ANKS1A: variants seen among roughly 807,000 people sequenced by gnomAD.
ANKS1A encodes ankyrin repeat and sterile alpha motif domain containing 1A.
Under a neutral mutation model 120.3 loss-of-function variants are expected in ANKS1A, and 55 were observed. That is an observed-to-expected ratio of 0.46 (90% CI 0.37 to 0.57). The LOEUF (loss-of-function observed/expected upper bound fraction) is 0.57. ANKS1A is among the 20% of genes least tolerant of loss of function. The pLI is 0.00. For missense variants in ANKS1A, 1,123 were observed against 1,480.3 expected (o/e 0.76, Z 3.96); for synonymous variants, 590 against 604.7 (o/e 0.98, Z 0.36).
chr6:34,928,395 T>C (rs1768820412), intron 1 of ANKS1A, among the ~76,000 whole-genome samples: 1 of 152,200 alleles, frequency 6.6e-6, no homozygotes, highest in Non-Finnish European at 1.5e-5. Flanking sequence ...GCTGTAATTT[T>C]AGGATAAGAA....
chr6:34,927,754 G>A (rs1334424300), intron 1 of ANKS1A, among the ~76,000 whole-genome samples: 2 of 152,212 alleles, frequency 1.3e-5, no homozygotes, highest in South Asian at 2.1e-4. Flanking sequence ...ACAAGTGCAA[G>A]GTGACCTGAG....
chr6:35,032,056 A>T (rs1272654945), intron 11 of ANKS1A, among the ~76,000 whole-genome samples: 1 of 152,274 alleles, frequency 6.6e-6, no homozygotes, highest in Non-Finnish European at 1.5e-5. Context: ...ATGAAATTGT[A>T]AACAAACATG....
chr6:34,983,101 G>A lies in ANKS1A; in HGVS notation c.809-12G>A, dbSNP rs757334539. 36 of 1,612,514 alleles carry A rather than the reference G, an allele frequency of 2.2e-5. No homozygotes were observed. The highest frequency in any genetic ancestry group is 1.6e-4 in the Middle Eastern group (1 of 6,082). Reference sequence around the variant, plus strand: ...TGCTCACTCCCCTGGTCCACCTGGTGTGCCTTTCTAGGAACTGACGTCAAC... The same window carrying A: ...TGCTCACTCCCCTGGTCCACCTGGTATGCCTTTCTAGGAACTGACGTCAAC... On this transcript the variant is annotated splice_polypyrimidine_tract_variant and intron_variant, in intron 5 of 23. Transcript: ENST00000360359.
intron 13 of ANKS1A, among the ~76,000 whole-genome samples, chr6:35,074,456 G>GTAC (rs1777241447): frequency 1.3e-5 from 2 of 151,952 alleles, no homozygotes; most frequent in East Asian, 3.9e-4. Flanking sequence ...AAATAGCCAG[G>GTAC]CATGGTGGTA....
rs753164037 is a variant in ANKS1A, at chr6:35,017,744, A to G, written c.1695A>G (p.Arg565=). 1.9e-6 allele frequency: 3 copies of G among 1,614,128 alleles called. No homozygotes were observed. The highest frequency in any genetic ancestry group is 8.5e-7 in the Non-Finnish European group (1 of 1,180,034). Residue 565 remains arginine (R), a synonymous_variant, in exon 11 of 24, where the codon AGA becomes AGG. Coordinates refer to ENST00000360359, the MANE Select transcript of ANKS1A (RefSeq NM_015245.3). Reference sequence around the variant, plus strand: ...CCAGTGCCCTGGACCAGAGCAAGAGAGTGGGCTACCTCACAGGCCTGCCCA... The same window carrying G: ...CCAGTGCCCTGGACCAGAGCAAGAGGGTGGGCTACCTCACAGGCCTGCCCA... The part of the protein sequence containing the change: ...SQPSALDQSK[R]VGYLTGLPTT...
At position 35,081,109 on chromosome 6, in the gene ANKS1A, G is replaced by A. The variant is rs552879601; in HGVS notation, c.2660G>A (p.Ser887Asn). 2.5e-6 allele frequency: 4 copies of A among 1,613,672 alleles called. No individual in the cohort carries two copies. In the African/African-American group the frequency reaches 4.0e-5, roughly 16 times the overall value. Residue 887 changes from serine (S) to asparagine (N), a missense_variant, in exon 17 of 24, where the codon AGT becomes AAT. Physicochemically the swap from Ser to Asn is conservative, Grantham distance 46. This residue lies in a region of ANKS1A where 904 missense variants were observed against 1,130.4 expected (regional missense o/e 0.80). Coordinates refer to ENST00000360359, the MANE Select transcript of ANKS1A (RefSeq NM_015245.3). ...GACACAGGCAGGAGGCGCCATGACA[G>A]TCTCCATGACCCTGCGGCACCCTCC... ...PGDTGRRRHDSLHDPAAPSRA... is the reference protein window; with the variant it reads ...PGDTGRRRHDNLHDPAAPSRA...
At position 35,017,489 on chromosome 6, in the gene ANKS1A, C is replaced by T. The variant is rs907493453; in HGVS notation, c.1440C>T (p.Ser480=). ...CACTCCAAGACCACAGGCGGAGCAG[C>T]AGCAGCCGGAGCCAGGACTCTGCGG... ...DGKTKDHRRS[S]SSRSQDSAEG... is the part of the protein sequence containing the mutation. The change falls in exon 11 of 24, where the codon AGC becomes AGT. Residue 480 remains serine, a synonymous_variant. Transcript: ENST00000360359. The T allele has an allele frequency of 2.5e-6, 4 of 1,605,232 alleles. No individual in the cohort carries two copies. Among genetic ancestry groups the T allele is most frequent in the Non-Finnish European group, 2.6e-6 (3 of 1,174,926 alleles).
At chr6:35,063,098 C>A (rs544839517) in intron 13 of ANKS1A, among the ~76,000 whole-genome samples, 1 of 152,278 alleles carries the variant, frequency 6.6e-6, no homozygotes, top group African/African-American at 2.4e-5. Context: ...ACAGAAAGGG[C>A]CTTTGATTTA....
chr6:34,977,266 A>G (rs1186371692), intron 3 of ANKS1A, among the ~76,000 whole-genome samples: 1 of 152,190 alleles, frequency 6.6e-6, no homozygotes, highest in Non-Finnish European at 1.5e-5. Context: ...AAGTGGTATT[A>G]TGTATGTCCT....
intron 10 of ANKS1A, among the ~76,000 whole-genome samples, chr6:34,996,447 GT>G (rs1483112087): frequency 6.7e-6 from 1 of 149,122 alleles, no homozygotes; most frequent in Non-Finnish European, 1.5e-5. Context: ...AGTTTATCCT[GT>G]TTTTAAAAAA....
chr6:35,089,818 G>A lies in ANKS1A; in HGVS notation c.*1209G>A. On this transcript the variant is annotated 3_prime_UTR_variant, in exon 24 of 24. Coordinates refer to ENST00000360359, the MANE Select transcript of ANKS1A (RefSeq NM_015245.3). ...GGGGAAACTGCTGTGGATTTGAGAGGCAAAGTTGGCTCAGCTGTGTGCCCA... is the reference window on the plus strand; with the variant it reads ...GGGGAAACTGCTGTGGATTTGAGAGACAAAGTTGGCTCAGCTGTGTGCCCA... The A allele has an allele frequency of 2.0e-6, 2 of 1,025,392 alleles. No individual in the cohort carries two copies. Among genetic ancestry groups the A allele is most frequent in the Non-Finnish European group, 2.3e-6 (2 of 854,672 alleles). The allele number at this position is 1,025,392 out of a possible 1,614,324, so 63.5% of individuals were successfully genotyped here.
chr6:34,996,507 T>C (rs1345970702), intron 10 of ANKS1A, among the ~76,000 whole-genome samples: 1 of 151,736 alleles, frequency 6.6e-6, no homozygotes, highest in Admixed American at 6.6e-5. Flanking sequence ...GGAGTCTTGC[T>C]CTGTCACCAG....
chr6:35,065,775 G>A (rs960956362), intron 13 of ANKS1A, among the ~76,000 whole-genome samples: 3 of 152,252 alleles, frequency 2.0e-5, no homozygotes, highest in Non-Finnish European at 4.4e-5. Flanking sequence ...CCCACTGCAT[G>A]TTGGGAGCCA....
At chr6:35,059,075 G>T (rs191489152) in intron 12 of ANKS1A, among the ~76,000 whole-genome samples, 1 of 152,290 alleles carries the variant, frequency 6.6e-6, no homozygotes, top group East Asian at 1.9e-4. Flanking sequence ...TATCTGGTTG[G>T]GTTTTGTCTT....
intron 10 of ANKS1A, among the ~76,000 whole-genome samples, chr6:34,997,215 G>A (rs1268179956): frequency 4.4e-5 from 2 of 45,946 alleles, no homozygotes; most frequent in African/African-American, 1.7e-4. Context: ...TTTTTTTTTT[G>A]AGACAGAGTC....
In ANKS1A at chr6:34,976,136, C is replaced by CA. The variant is rs748181297; in HGVS notation, c.436-5539dup. On this transcript the variant is annotated intron_variant, in intron 3 of 23. Coordinates refer to ENST00000360359, the MANE Select transcript of ANKS1A (RefSeq NM_015245.3). ...CTGGATGACAGAGGAGACTCCATCT[C>CA]AAAAAAAAAAAAAAAGAAAAGAAAA... Among the ~76,000 whole-genome samples, 831 of 87,590 alleles carry CA rather than the reference C, an allele frequency of 9.5e-3. 30 individuals carry two copies. The highest frequency in any genetic ancestry group is 0.026 in the African/African-American group (667 of 25,362). The allele number at this position is 87,590 out of a possible 152,430, so 57.5% of individuals were successfully genotyped here. A position where few individuals can be genotyped will look rare whatever the true frequency, so the allele number is the denominator to read the frequency against.
At chr6:34,891,872 C>G (rs897727408) in intron 1 of ANKS1A, among the ~76,000 whole-genome samples, 1 of 152,216 alleles carries the variant, frequency 6.6e-6, no homozygotes, top group African/African-American at 2.4e-5. Flanking sequence ...CATGATCCGC[C>G]GGCCTCGGCC....
At chr6:35,077,376 G>A (rs1430561469) in intron 13 of ANKS1A, among the ~76,000 whole-genome samples, 2 of 152,196 alleles carry the variant, frequency 1.3e-5, no homozygotes, top group African/African-American at 4.8e-5. Flanking sequence ...AAGGAGGTGG[G>A]CCCACATGCA....
intron 11 of ANKS1A, among the ~76,000 whole-genome samples, chr6:35,028,764 A>G (rs181584202): frequency 6.6e-6 from 1 of 152,222 alleles, no homozygotes; most frequent in African/African-American, 2.4e-5. Context: ...GAGTACATGA[A>G]GTTTTCTTTT....
Sources: gnomAD v4.1 joint callset for allele counts (sites outside exome capture counted in the v4.1 genomes callset) on GRCh38, gnomAD v4.1.1 for gene constraint, gnomAD v4.1.1 regional missense constraint, MANE v1.5 for transcripts, NCBI Gene and HGNC (gene_info 2026-07-23, HGNC 2026-07-21) for gene names.